The following RABGEF1 variants were observed in gnomAD, a reference collection of about 807,000 sequenced individuals.
The protein encoded by RABGEF1 is rab5 GDP/GTP exchange factor.
A neutral mutation model predicts 57.3 loss-of-function variants in RABGEF1; 26 were observed. The ratio of observed to expected loss-of-function variants is 0.45; its 90% CI spans 0.33 to 0.63. The LOEUF (loss-of-function observed/expected upper bound fraction) is 0.63. Among genes scored for constraint, RABGEF1 ranks in the 20% least tolerant of loss-of-function variants. The pLI is 0.02. For missense variants in RABGEF1, 464 were observed against 607.6 expected (o/e 0.76, Z 2.48); for synonymous variants, 185 against 210.7 (o/e 0.88, Z 1.06).
At chr7:66,794,301 C>T (rs374275371) in intron 4 of RABGEF1, among the ~76,000 whole-genome samples, 39 of 145,626 alleles carry the variant, frequency 2.7e-4, no homozygotes, top group African/African-American at 9.7e-4. Context: ...CCTTTCTCTC[C>T]CCTTTCTTTC....
intron 2 of RABGEF1, among the ~76,000 whole-genome samples, chr7:66,734,942 C>T (rs1462573830): frequency 3.3e-5 from 5 of 152,124 alleles, no homozygotes; most frequent in Non-Finnish European, 5.9e-5. Context: ...TGTCTTTTTC[C>T]GTGTGATTTC....
intron 1 of RABGEF1, among the ~76,000 whole-genome samples, chr7:66,764,574 C>T (rs1477406506): frequency 6.6e-6 from 1 of 152,098 alleles, no homozygotes; most frequent in African/African-American, 2.4e-5. Flanking sequence ...CTTCTGAGAG[C>T]TTTAGTTTTA....
At chr7:66,721,030 G>A (rs1795995021) in intron 2 of RABGEF1, among the ~76,000 whole-genome samples, 1 of 152,054 alleles carries the variant, frequency 6.6e-6, no homozygotes, top group African/African-American at 2.4e-5. Context: ...TGATTCTCCT[G>A]CCTGAAACCT....
intron 2 of RABGEF1, among the ~76,000 whole-genome samples, chr7:66,727,589 G>A (rs1377751697): frequency 2.0e-5 from 3 of 152,242 alleles, no homozygotes; most frequent in Non-Finnish European, 2.9e-5. Flanking sequence ...CTCTGAGCAG[G>A]AAGGGTCAGG....
intron 1 of RABGEF1, among the ~76,000 whole-genome samples, chr7:66,770,047 G>A (rs1326117558): frequency 6.6e-6 from 1 of 152,112 alleles, no homozygotes; most frequent in Non-Finnish European, 1.5e-5. Context: ...TCCTATGTCT[G>A]TTGCTCCCTA....
chr7:66,709,092 A>T (rs1378334694), intron 1 of RABGEF1, among the ~76,000 whole-genome samples: 2 of 151,346 alleles, frequency 1.3e-5, no homozygotes, highest in Admixed American at 6.6e-5. Context: ...ATCTCGGCTC[A>T]CTACAACCTC....
chr7:66,746,311 T>G (rs1800204745), intron 1 of RABGEF1, among the ~76,000 whole-genome samples: 1 of 152,072 alleles, frequency 6.6e-6, no homozygotes, highest in Non-Finnish European at 1.5e-5. Context: ...TACTTTTCTT[T>G]TTTTCTTTTT....
rs149758818 is a variant in RABGEF1, at chr7:66,779,768, G to A, written c.347-3907G>A. Among the ~76,000 whole-genome samples the A allele has an allele frequency of 1.6e-3, 243 of 151,312 alleles. 1 individual carries two copies. Among genetic ancestry groups the A allele is most frequent in the Middle Eastern group, 7.1e-3 (2 of 280 alleles). Reference sequence around the variant, plus strand: ...CCTAGCCAAAATTATGAACTGTAACGTGGATGAGGTTGTTCTTTTCCATAT... The same window carrying A: ...CCTAGCCAAAATTATGAACTGTAACATGGATGAGGTTGTTCTTTTCCATAT... On this transcript the variant is annotated intron_variant, in intron 3 of 8. Transcript: ENST00000284957.
chr7:66,789,866 T>C (rs1412151139), intron 4 of RABGEF1, among the ~76,000 whole-genome samples: 1 of 152,070 alleles, frequency 6.6e-6, no homozygotes, highest in Non-Finnish European at 1.5e-5. Flanking sequence ...GGTGTTGGCA[T>C]TGTCTCCCAG....
chr7:66,656,838 A>G, the RABGEF1 span, among the ~76,000 whole-genome samples: 1 of 150,470 alleles, frequency 6.6e-6, no homozygotes, highest in Non-Finnish European at 1.5e-5. Flanking sequence ...AAAAAAAAAA[A>G]AAAGTAACCA....
the RABGEF1 span, among the ~76,000 whole-genome samples, chr7:66,665,871 G>A: frequency 1.3e-5 from 2 of 152,140 alleles, no homozygotes; most frequent in Admixed American, 6.6e-5. Flanking sequence ...GAGGAAAGGC[G>A]ATTTCATTCC....
the RABGEF1 span, among the ~76,000 whole-genome samples, chr7:66,658,655 A>C: frequency 6.6e-5 from 10 of 152,230 alleles, no homozygotes; most frequent in South Asian, 2.1e-4. Context: ...CCACCAGTGA[A>C]TTCTACCAGA....
intron 3 of RABGEF1, among the ~76,000 whole-genome samples, chr7:66,782,711 G>C (rs1035962401): frequency 3.3e-5 from 5 of 151,954 alleles, no homozygotes; most frequent in Non-Finnish European, 7.4e-5. Context: ...GCTTGAACCT[G>C]GGAGGTGGAG....
chr7:66,716,756 T>C (rs1164127660), intron 2 of RABGEF1, among the ~76,000 whole-genome samples: 1 of 152,186 alleles, frequency 6.6e-6, no homozygotes, highest in African/African-American at 2.4e-5. Flanking sequence ...GTCTATCATT[T>C]TGTTATTTTC....
intron 1 of RABGEF1, among the ~76,000 whole-genome samples, chr7:66,762,737 AT>A (rs1240900827): frequency 2.0e-5 from 3 of 152,144 alleles, no homozygotes; most frequent in African/African-American, 7.2e-5. Context: ...CCCCAAAAGA[AT>A]AATAATAAAT....
At chr7:66,772,587 T>C (rs1043950214) in intron 2 of RABGEF1, among the ~76,000 whole-genome samples, 1 of 152,162 alleles carries the variant, frequency 6.6e-6, no homozygotes, top group African/African-American at 2.4e-5. Context: ...TAGCATTTGG[T>C]ATTATCCGGA....
chr7:66,793,376 C>T (rs1813184683), intron 4 of RABGEF1, among the ~76,000 whole-genome samples: 1 of 152,152 alleles, frequency 6.6e-6, no homozygotes, highest in South Asian at 2.1e-4. Flanking sequence ...ACAGTTTTGG[C>T]TGCTTTTTGA....
chr7:66,788,172 C>T (rs556312153), intron 4 of RABGEF1, among the ~76,000 whole-genome samples: 36 of 152,044 alleles, frequency 2.4e-4, no homozygotes, highest in African/African-American at 2.6e-4. Flanking sequence ...TGGGGCTGGG[C>T]GAGGTTGCTC....
intron 1 of RABGEF1, among the ~76,000 whole-genome samples, chr7:66,686,349 A>G (rs1293322395): frequency 6.6e-6 from 1 of 151,780 alleles, no homozygotes; most frequent in Non-Finnish European, 1.5e-5. Context: ...GCTTATGCCT[A>G]TAATACCAGT....
Sources: gnomAD v4.1 joint callset for allele counts (sites outside exome capture counted in the v4.1 genomes callset) on GRCh38, gnomAD v4.1.1 for gene constraint, MANE v1.5 for transcripts, NCBI Gene and HGNC (gene_info 2026-07-23, HGNC 2026-07-21) for gene names.